The following FCHSD2 variants were observed in gnomAD, a reference collection of about 807,000 sequenced individuals.
FCHSD2 encodes the protein F-BAR and double SH3 domains protein 2.
Under a neutral mutation model 108.1 loss-of-function variants are expected in FCHSD2, and 38 were observed. The ratio of observed to expected loss-of-function variants is 0.35; its 90% CI spans 0.27 to 0.46. The LOEUF is 0.46. FCHSD2 is among the 20% of genes least tolerant of loss of function. The probability of loss-of-function intolerance (pLI) is 1.00; values close to 1 mark genes in which losing one functional copy is unlikely to be tolerated. For missense variants in FCHSD2, 751 were observed against 897.8 expected (o/e 0.84, Z 2.09); for synonymous variants, 279 against 314.7 (o/e 0.89, Z 1.20).
At chr11:73,138,886 G>A (rs1476172844) in intron 2 of FCHSD2, among the ~76,000 whole-genome samples, 3 of 152,186 alleles carry the variant, frequency 2.0e-5, no homozygotes, top group Admixed American at 1.3e-4. Flanking sequence ...GGGATTACAG[G>A]TGTCAGTGAC....
intron 4 of FCHSD2, among the ~76,000 whole-genome samples, chr11:73,004,400 A>G (rs1179013774): frequency 6.6e-6 from 1 of 152,114 alleles, no homozygotes; most frequent in Non-Finnish European, 1.5e-5. Flanking sequence ...CCCAAGTTCA[A>G]TCTTCTGATT....
intron 9 of FCHSD2, among the ~76,000 whole-genome samples, chr11:72,916,803 T>A (rs1018777695): frequency 6.6e-6 from 1 of 152,212 alleles, no homozygotes; most frequent in African/African-American, 2.4e-5. Flanking sequence ...AGTCTAATTA[T>A]CTATGTTTTC....
At chr11:73,069,046 C>T (rs774400154) in intron 3 of FCHSD2, among the ~76,000 whole-genome samples, 2 of 151,128 alleles carry the variant, frequency 1.3e-5, no homozygotes, top group South Asian at 4.2e-4. Flanking sequence ...AATGGTGGCT[C>T]ATGCCTGTAA....
chr11:73,107,348 A>AT (rs1470778160), intron 2 of FCHSD2, among the ~76,000 whole-genome samples: 2 of 151,852 alleles, frequency 1.3e-5, no homozygotes, highest in Admixed American at 6.6e-5. Context: ...ACACCTGGCC[A>AT]TTTTTTTTAT....
chr11:73,028,972 C>CT (rs1858295218), intron 3 of FCHSD2, among the ~76,000 whole-genome samples: 3 of 152,020 alleles, frequency 2.0e-5, no homozygotes, highest in Non-Finnish European at 4.4e-5. Context: ...TATAAATTAC[C>CT]CAGTCTCAGG....
At chr11:73,121,178 C>T (rs560674816) in intron 2 of FCHSD2, among the ~76,000 whole-genome samples, 17 of 151,938 alleles carry the variant, frequency 1.1e-4, no homozygotes, top group South Asian at 4.1e-4. Flanking sequence ...TACACATACA[C>T]ACACACACAC....
chr11:72,961,474 T>C (rs140255342), intron 8 of FCHSD2, among the ~76,000 whole-genome samples: 77 of 152,270 alleles, frequency 5.1e-4, no homozygotes, highest in African/African-American at 1.6e-3. Flanking sequence ...CAGGCTGATA[T>C]TGAACTCCTG....
intron 2 of FCHSD2, among the ~76,000 whole-genome samples, chr11:73,113,718 T>C (rs1478851281): frequency 6.6e-6 from 1 of 152,182 alleles, no homozygotes; most frequent in Non-Finnish European, 1.5e-5. Context: ...GAAACACCCA[T>C]TTGTACCCAT....
intron 3 of FCHSD2, among the ~76,000 whole-genome samples, chr11:73,019,987 TA>T (rs1858062577): frequency 6.6e-6 from 1 of 152,208 alleles, no homozygotes; most frequent in African/African-American, 2.4e-5. Flanking sequence ...CCACTAAACA[TA>T]ATATTTATTT....
intron 9 of FCHSD2, among the ~76,000 whole-genome samples, chr11:72,915,984 CAT>C (rs1416954976): frequency 6.6e-6 from 1 of 152,154 alleles, no homozygotes; most frequent in Non-Finnish European, 1.5e-5. Context: ...GCAAATACCA[CAT>C]GTTCTCATTT....
At chr11:73,118,918 C>T (rs1860667890) in intron 2 of FCHSD2, among the ~76,000 whole-genome samples, 1 of 152,170 alleles carries the variant, frequency 6.6e-6, no homozygotes, top group Non-Finnish European at 1.5e-5. Context: ...ACATACTACA[C>T]AACATGTATG....
intron 3 of FCHSD2, chr11:73,077,812 T>C (rs1320859668): frequency 3.8e-6 from 1 of 263,320 alleles, no homozygotes; most frequent in Non-Finnish European, 7.6e-6. Context: ...ACAGATGTGT[T>C]CATTATCTTG....
intron 2 of FCHSD2, among the ~76,000 whole-genome samples, chr11:73,088,408 A>T (rs1400284448): frequency 2.0e-5 from 3 of 152,046 alleles, no homozygotes; most frequent in Admixed American, 6.6e-5. Context: ...CTAACAATGC[A>T]CTTCTTAGAA....
chr11:73,086,173 T>C (rs947284217), intron 2 of FCHSD2, among the ~76,000 whole-genome samples: 59 of 152,106 alleles, frequency 3.9e-4, no homozygotes, highest in African/African-American at 1.4e-3. Flanking sequence ...TTTTGAGAGA[T>C]AGAGGTGGGT....
intron 12 of FCHSD2, among the ~76,000 whole-genome samples, chr11:72,883,504 G>A (rs959202466): frequency 6.6e-6 from 1 of 152,154 alleles, no homozygotes; most frequent in Non-Finnish European, 1.5e-5. Flanking sequence ...ACTTTACTAA[G>A]GGGGATATAT....
intron 8 of FCHSD2, among the ~76,000 whole-genome samples, chr11:72,971,195 A>G (rs975866527): frequency 6.6e-6 from 1 of 152,216 alleles, no homozygotes; most frequent in African/African-American, 2.4e-5. Flanking sequence ...AAAATCAATC[A>G]TATGTTTATA....
chr11:72,857,026 C>T (rs1861444552), intron 13 of FCHSD2, among the ~76,000 whole-genome samples: 1 of 152,170 alleles, frequency 6.6e-6, no homozygotes. Context: ...ATGTACTGTG[C>T]TTTGACACTG....
chr11:72,862,016 A>G (rs544726479), intron 13 of FCHSD2, among the ~76,000 whole-genome samples: 1 of 152,242 alleles, frequency 6.6e-6, no homozygotes, highest in East Asian at 1.9e-4. Flanking sequence ...CTGAATAATC[A>G]TCAATGCAAT....
chr11:72,982,725 GA>G (rs1185893106), intron 8 of FCHSD2, among the ~76,000 whole-genome samples: 1 of 152,160 alleles, frequency 6.6e-6, no homozygotes, highest in Non-Finnish European at 1.5e-5. Flanking sequence ...ATACCCAGAG[GA>G]CAGACATCTT....
Sources: allele counts gnomAD v4.1 joint callset (sites outside exome capture counted in the v4.1 genomes callset), GRCh38; gene constraint gnomAD v4.1.1; transcripts MANE v1.5; gene names NCBI Gene and HGNC (gene_info 2026-07-23, HGNC 2026-07-21).